Variants in ATP8A2 observed in about 807,000 individuals in gnomAD.
The protein encoded by ATP8A2 is ATPase phospholipid transporting 8A2.
Under a neutral mutation model 165.6 loss-of-function variants are expected in ATP8A2, and 100 were observed. The ratio of observed to expected loss-of-function variants is 0.60; its 90% CI spans 0.51 to 0.71. ATP8A2 has a LOEUF of 0.71. Ranked by LOEUF, ATP8A2 falls within the 30% of genes least tolerant of loss-of-function variation. ATP8A2 has a pLI of 0.00. For missense variants in ATP8A2, 1,227 were observed against 1,479.5 expected (o/e 0.83, Z 2.80); for synonymous variants, 543 against 548.8 (o/e 0.99, Z 0.15).
At position 25,750,007 on chromosome 13, in the gene ATP8A2, C is replaced by T. The variant is rs2138191388; in HGVS notation, c.2385-19039C>T. On this transcript the variant is annotated intron_variant, in intron 25 of 36. Coordinates refer to ENST00000381655, the MANE Select transcript of ATP8A2 (RefSeq NM_016529.6). This position sits in a 1 kb window ranked among gnomAD's most constrained non-coding sequence, Gnocchi z 4.3. ...AAGACCACATCTCTAAAAAATAAAA[C>T]AAAACAAAACAAAAAAACGAAGAAG... 6.6e-6 allele frequency among the ~76,000 whole-genome samples: 1 copy of T among 152,068 alleles called. No individual in the cohort carries two copies. The highest frequency in any genetic ancestry group is 2.1e-4 in the South Asian group (1 of 4,820).
intron 1 of ATP8A2, among the ~76,000 whole-genome samples, chr13:25,377,117 TAC>T (rs1394801571): frequency 2.0e-5 from 3 of 152,244 alleles, no homozygotes; most frequent in Non-Finnish European, 4.4e-5. Flanking sequence ...TGGAATATTT[TAC>T]AGTTATTTTC....
chr13:25,659,514 A>ATC (rs1423112103), intron 24 of ATP8A2, among the ~76,000 whole-genome samples: 4 of 152,178 alleles, frequency 2.6e-5, no homozygotes, highest in Non-Finnish European at 4.4e-5. Flanking sequence ...GAGATAAGCT[A>ATC]TCTCTACACC....
intron 1 of ATP8A2, among the ~76,000 whole-genome samples, chr13:25,428,905 C>T (rs936558367): frequency 2.0e-5 from 3 of 152,088 alleles, no homozygotes; most frequent in African/African-American, 7.2e-5. Flanking sequence ...TGCTCAAGTC[C>T]CCTTAGTAAG....
chr13:25,467,419 A>G (rs2035698779), intron 1 of ATP8A2, among the ~76,000 whole-genome samples: 1 of 152,250 alleles, frequency 6.6e-6, no homozygotes, highest in Non-Finnish European at 1.5e-5. Context: ...TCCCTTTCTT[A>G]GGATAAGGAT....
intron 24 of ATP8A2, among the ~76,000 whole-genome samples, chr13:25,671,942 G>A (rs962996115): frequency 1.3e-5 from 2 of 152,164 alleles, no homozygotes; most frequent in South Asian, 4.1e-4. Flanking sequence ...ACCTACCGAC[G>A]TGTGATGTCT....
At chr13:25,850,731 G>T (rs1265767302) in intron 30 of ATP8A2, among the ~76,000 whole-genome samples, 1 of 152,182 alleles carries the variant, frequency 6.6e-6, no homozygotes, top group Non-Finnish European at 1.5e-5. Flanking sequence ...CAGTGGGAAG[G>T]AATATTTTGT....
At chr13:25,572,708 G>C (rs2138188673) in intron 18 of ATP8A2, among the ~76,000 whole-genome samples, 1 of 152,220 alleles carries the variant, frequency 6.6e-6, no homozygotes, top group Non-Finnish European at 1.5e-5. Context: ...ATAAGGGTCT[G>C]GGGCTAGTCC....
At chr13:25,710,200 T>C (rs2043132831) in intron 25 of ATP8A2, among the ~76,000 whole-genome samples, 1 of 152,216 alleles carries the variant, frequency 6.6e-6, no homozygotes, top group African/African-American at 2.4e-5. Flanking sequence ...AGGCATACAA[T>C]ATGTAATGAT....
At chr13:25,805,860 A>G (rs1950721761) in intron 27 of ATP8A2, among the ~76,000 whole-genome samples, 1 of 152,168 alleles carries the variant, frequency 6.6e-6, no homozygotes, top group African/African-American at 2.4e-5. Flanking sequence ...GATTGCCAAT[A>G]TAGTTTTTTT....
intron 24 of ATP8A2, among the ~76,000 whole-genome samples, chr13:25,654,519 T>C (rs1485654820): frequency 6.6e-6 from 1 of 152,156 alleles, no homozygotes; most frequent in Non-Finnish European, 1.5e-5. Context: ...TGGTAGAGTT[T>C]TGAAGACAGT....
intron 12 of ATP8A2, 127 bp downstream of exon 12, chr13:25,554,047 C>T: frequency 2.9e-6 from 3 of 1,033,750 alleles, no homozygotes; most frequent in Non-Finnish European, 4.2e-6. Flanking sequence ...TTAAACTGGC[C>T]ATACAAAGAA....
chr13:25,850,581 T>G (rs1951981637), intron 30 of ATP8A2, among the ~76,000 whole-genome samples: 4 of 152,150 alleles, frequency 2.6e-5, no homozygotes, highest in Non-Finnish European at 4.4e-5. Context: ...AAGGCTGGCT[T>G]GGGGAACCCA....
At chr13:25,482,523 T>C (rs2036235285) in intron 2 of ATP8A2, among the ~76,000 whole-genome samples, 1 of 152,066 alleles carries the variant, frequency 6.6e-6, no homozygotes, top group South Asian at 2.1e-4. Flanking sequence ...GGGAACCCCA[T>C]GTGCAGAGGT....
At position 25,541,367 on chromosome 13, in the gene ATP8A2, T is replaced by C. The variant is rs75475077; in HGVS notation, c.652-552T>C. Among the ~76,000 whole-genome samples, 956 of 152,122 alleles carry C rather than the reference T, an allele frequency of 6.3e-3. 6 individuals are homozygous for C. The highest frequency in any genetic ancestry group is 0.01 in the Non-Finnish European group (700 of 67,974). On this transcript the variant is annotated intron_variant, in intron 8 of 36. Transcript: ENST00000381655. The stretch of plus-strand genomic sequence containing the variant: ...GCAAGACCCTATCTCTACAAAAAAC[T>C]TAAAAAATAGCTGGGCATGATGGCA...
At chr13:25,609,583 T>TTTGGATTCAAATATATATATATATA (rs1322507941) in intron 24 of ATP8A2, among the ~76,000 whole-genome samples, 1 of 117,358 alleles carries the variant, frequency 8.5e-6, no homozygotes. Flanking sequence ...ATATATATAT[T>TTTGGATTCAAATATATATATATATA]TGGGTTCAAA....
chr13:25,791,111 A>G (rs2045159807), intron 27 of ATP8A2, among the ~76,000 whole-genome samples: 3 of 152,214 alleles, frequency 2.0e-5, no homozygotes, highest in Non-Finnish European at 4.4e-5. Context: ...CACAATTCAC[A>G]ATAGCAAAGG....
rs545730326 is a variant in ATP8A2 at position 25,679,718 on chromosome 13, A to G, written c.2212-19455A>G. 7.7e-3 allele frequency among the ~76,000 whole-genome samples: 1,175 copies of G among 152,346 alleles called. 9 individuals are homozygous for G. The highest frequency in any genetic ancestry group is 0.013 in the Non-Finnish European group (916 of 68,034). On this transcript the variant is annotated intron_variant, in intron 24 of 36. Coordinates refer to ENST00000381655, the MANE Select transcript of ATP8A2 (RefSeq NM_016529.6). ...TCAGTGCCCTAAAACAAAGGTGGTC[A>G]TTGTTAAGGATGATCTGGAGAGGCC...
chr13:26,011,176 G>C (rs1956839087), intron 35 of ATP8A2, among the ~76,000 whole-genome samples: 9 of 152,198 alleles, frequency 5.9e-5, no homozygotes, highest in Admixed American at 5.9e-4. Context: ...CCGCAATAAA[G>C]TGCCATAGGC....
At chr13:25,878,969 A>G (rs182329042) in intron 33 of ATP8A2, among the ~76,000 whole-genome samples, 40 of 152,290 alleles carry the variant, frequency 2.6e-4, no homozygotes, top group African/African-American at 9.1e-4. Flanking sequence ...CAGCATTTAT[A>G]GCATTCTACC....
Sources: gnomAD v4.1 joint callset for allele counts (sites outside exome capture counted in the v4.1 genomes callset) on GRCh38, gnomAD v4.1.1 for gene constraint, Gnocchi (gnomAD v3.1) non-coding constraint, MANE v1.5 for transcripts, NCBI Gene and HGNC (gene_info 2026-07-23, HGNC 2026-07-21) for gene names.